PDZD2: variants seen among roughly 807,000 people sequenced by gnomAD.
PDZD2 encodes PDZ domain containing 2, also known as PDZ domain-containing protein 2.
In PDZD2, 90 loss-of-function variants were observed where a neutral mutation model predicts 220.7. The observed-to-expected ratio is 0.41, with a 90% confidence interval of 0.34 to 0.49. The LOEUF (loss-of-function observed/expected upper bound fraction) is 0.49. PDZD2 is among the 20% of genes least tolerant of loss of function. PDZD2 has a pLI of 0.28. For missense variants in PDZD2, 3,174 were observed against 3,608.5 expected, an observed-to-expected ratio of 0.88 and a Z score of 3.08; for synonymous variants, 1,375 against 1,450.5, an observed-to-expected ratio of 0.95 and a Z score of 1.18.
Position 31,868,329 on chromosome 5 carries a change from C to T in PDZD2, c.476+68605C>T, listed in dbSNP as rs536242181. On this transcript the variant is annotated intron_variant, in intron 2 of 24. Coordinates refer to ENST00000438447, the MANE Select transcript of PDZD2 (RefSeq NM_178140.4). ...GTGTGCTGGCGTGTGCCTTTAATCTCAGCTACTCAGGAGGCTGAGGCAGGA... is the reference window on the plus strand; with the variant it reads ...GTGTGCTGGCGTGTGCCTTTAATCTTAGCTACTCAGGAGGCTGAGGCAGGA... 1.3e-4 allele frequency among the ~76,000 whole-genome samples: 20 copies of T among 152,274 alleles called. No individual in the cohort carries two copies. The South Asian group carries it at 3.5e-3, about 27-fold the overall frequency.
intron 1 of PDZD2, among the ~76,000 whole-genome samples, chr5:31,670,645 A>T (rs1423726717): frequency 6.6e-6 from 1 of 151,738 alleles, no homozygotes; most frequent in South Asian, 2.1e-4. Flanking sequence ...CTGGTGTCGA[A>T]TTCCTGACCT....
At chr5:32,100,119 T>C (rs961753811) in intron 23 of PDZD2, 3 of 152,388 alleles carry the variant, frequency 2.0e-5, no homozygotes, top group African/African-American at 7.2e-5. Flanking sequence ...GCCACTGCAA[T>C]AGACCCATTT....
chr5:32,093,065 C>A, intron 21 of PDZD2, 41 bp downstream of exon 21: 1 of 1,029,176 alleles, frequency 9.7e-7, no homozygotes, highest in Non-Finnish European at 1.5e-6. Context: ...GAATTGCGGC[C>A]GCGTGAGTGC....
At chr5:31,833,888 G>C (rs1756786319) in intron 2 of PDZD2, among the ~76,000 whole-genome samples, 1 of 152,176 alleles carries the variant, frequency 6.6e-6, no homozygotes, top group Admixed American at 6.5e-5. Context: ...GGCTTCCTTG[G>C]CCCATCAACC....
At chr5:31,707,407 C>T (rs938654840) in intron 1 of PDZD2, among the ~76,000 whole-genome samples, 3 of 152,108 alleles carry the variant, frequency 2.0e-5, no homozygotes, top group South Asian at 2.1e-4. Context: ...TTTCTGCTCA[C>T]GCACAGAAGA....
chr5:31,701,565 T>A (rs1408269560), intron 1 of PDZD2, among the ~76,000 whole-genome samples: 1 of 152,132 alleles, frequency 6.6e-6, no homozygotes, highest in Non-Finnish European at 1.5e-5. Flanking sequence ...TTGCTCACTA[T>A]CCCTTCCACA....
chr5:32,002,518 C>G (rs1022410934), intron 5 of PDZD2, among the ~76,000 whole-genome samples: 1 of 151,940 alleles, frequency 6.6e-6, no homozygotes, highest in Non-Finnish European at 1.5e-5. Flanking sequence ...GAAACTAGTT[C>G]ATTGTTTTGC....
Position 31,840,469 on chromosome 5 carries a change from CT to C in PDZD2, c.476+40756del, listed in dbSNP as rs200152873. 816 of 168,546 alleles carry C rather than the reference CT, an allele frequency of 4.8e-3. 12 individuals are homozygous for C. The highest frequency in any genetic ancestry group is 8.7e-3 in the Middle Eastern group (4 of 458). The allele number at this position is 168,546 out of a possible 1,614,324, so 10.4% of individuals were successfully genotyped here. A position where few individuals can be genotyped will look rare whatever the true frequency, so the allele number is the denominator to read the frequency against. ...ATATATTTGTTTATAGTCCAGAGGT[CT>C]TTTTTTTTTTAACAGTAGCTATTTT... On this transcript the variant is annotated intron_variant, in intron 2 of 24. Transcript: ENST00000438447.
At chr5:31,796,742 CA>C (rs1387459225) in intron 1 of PDZD2, among the ~76,000 whole-genome samples, 1 of 152,162 alleles carries the variant, frequency 6.6e-6, no homozygotes, top group Non-Finnish European at 1.5e-5. Context: ...TGCTGGTATA[CA>C]ACCAGTGCCA....
In PDZD2 at chr5:32,037,246, G is replaced by A. The variant is rs764242430; in HGVS notation, c.1423G>A (p.Glu475Lys). 2 of 1,612,598 alleles carry A rather than the reference G, an allele frequency of 1.2e-6. No individual in the cohort carries two copies. The highest frequency in any genetic ancestry group is 1.7e-6 in the Non-Finnish European group (2 of 1,178,710). The change falls in exon 7 of 25, where the codon GAA becomes AAA. Residue 475 changes from glutamate to lysine, a missense_variant. This residue lies in a region of PDZD2 where 632 missense variants were observed against 708.1 expected (regional missense o/e 0.89). Transcript: ENST00000438447. ...SVQRAMPGTD[E>K]PQDVCGAEES... ...TGCATTTCAGATGCCTGGGACAGAT[G>A]AACCCCAAGATGTGTGCGGTGCTGA...
chr5:31,846,711 G>C (rs759047410), intron 2 of PDZD2, among the ~76,000 whole-genome samples: 3 of 152,198 alleles, frequency 2.0e-5, no homozygotes, highest in Non-Finnish European at 4.4e-5. Flanking sequence ...AGAATCCTGA[G>C]GTTTCTTCTC....
intron 1 of PDZD2, among the ~76,000 whole-genome samples, chr5:31,691,469 ACC>A (rs1747126451): frequency 7.8e-6 from 1 of 128,948 alleles, no homozygotes; most frequent in Admixed American, 8.1e-5. Flanking sequence ...TTATTCTCTT[ACC>A]TGGCGCCACC....
intron 1 of PDZD2, among the ~76,000 whole-genome samples, chr5:31,661,179 T>G (rs1199025209): frequency 2.0e-5 from 3 of 152,224 alleles, no homozygotes; most frequent in African/African-American, 7.2e-5. Flanking sequence ...GGTCCTGGCT[T>G]CGGAGGTTCT....
At chr5:31,945,504 G>T (rs1222497392) in intron 2 of PDZD2, among the ~76,000 whole-genome samples, 1 of 152,130 alleles carries the variant, frequency 6.6e-6, no homozygotes, top group Non-Finnish European at 1.5e-5. Flanking sequence ...TGTGGAATAT[G>T]TCTTAAGGAA....
intron 2 of PDZD2, among the ~76,000 whole-genome samples, chr5:31,849,942 A>AC: frequency 2.8e-5 from 1 of 35,778 alleles, no homozygotes; most frequent in African/African-American, 2.0e-4. Flanking sequence ...ACACATATAT[A>AC]TATATACATA....
At chr5:31,694,751 T>C (rs1481680555) in intron 1 of PDZD2, among the ~76,000 whole-genome samples, 1 of 151,908 alleles carries the variant, frequency 6.6e-6, no homozygotes, top group Non-Finnish European at 1.5e-5. Flanking sequence ...TGCCTTTTTT[T>C]TTTTTCATAT....
intron 1 of PDZD2, among the ~76,000 whole-genome samples, chr5:31,753,188 G>A (rs1351676614): frequency 6.6e-6 from 1 of 152,168 alleles, no homozygotes; most frequent in African/African-American, 2.4e-5. Context: ...TTTTATAGAG[G>A]TACCATTGTA....
At chr5:31,929,587 C>T (rs912649772) in intron 2 of PDZD2, among the ~76,000 whole-genome samples, 2 of 152,200 alleles carry the variant, frequency 1.3e-5, no homozygotes, top group South Asian at 2.1e-4. Flanking sequence ...CAGTGGCTCA[C>T]GCCTGTAATC....
intron 2 of PDZD2, among the ~76,000 whole-genome samples, chr5:31,975,963 C>T (rs73751738): frequency 1.5e-3 from 226 of 151,898 alleles, no homozygotes; most frequent in African/African-American, 5.2e-3. Flanking sequence ...ACCACCACAC[C>T]TGTTAATTTT....
Sources: allele counts gnomAD v4.1 joint callset (sites outside exome capture counted in the v4.1 genomes callset), GRCh38; gene constraint gnomAD v4.1.1; regional missense constraint gnomAD v4.1.1; transcripts MANE v1.5; gene names NCBI Gene and HGNC (gene_info 2026-07-23, HGNC 2026-07-21).